The following QTMAN variants were observed in gnomAD, a reference collection of about 807,000 sequenced individuals.
QTMAN encodes queuosine-tRNA mannosyltransferase, also known as tRNA-queuosine alpha-mannosyltransferase.
chr2:144,146,943 T>A, the QTMAN span, among the ~76,000 whole-genome samples: 1 of 151,892 alleles, frequency 6.6e-6, no homozygotes, highest in East Asian at 1.9e-4. Flanking sequence ...ACCACAGATA[T>A]GAATTGGTTG....
chr2:144,008,025 T>C, the QTMAN span, among the ~76,000 whole-genome samples: 13 of 152,178 alleles, frequency 8.5e-5, no homozygotes, highest in Non-Finnish European at 1.5e-4. Context: ...GGCTAATGTT[T>C]CCTGAAGTAT....
the QTMAN span, among the ~76,000 whole-genome samples, chr2:144,090,340 A>G: frequency 6.6e-6 from 1 of 152,110 alleles, no homozygotes; most frequent in Admixed American, 6.5e-5. Flanking sequence ...TTTCTATTCA[A>G]CGTGATACTA....
At chr2:144,299,961 C>T in the QTMAN span, among the ~76,000 whole-genome samples, 1 of 152,190 alleles carries the variant, frequency 6.6e-6, no homozygotes, top group Non-Finnish European at 1.5e-5. Context: ...CTGACATATG[C>T]TACAACATGA....
the QTMAN span, among the ~76,000 whole-genome samples, chr2:144,309,820 C>T: frequency 6.6e-6 from 1 of 152,086 alleles, no homozygotes; most frequent in Non-Finnish European, 1.5e-5. Context: ...GCATCATTCC[C>T]CAAAGATACA....
At chr2:143,979,382 C>G in the QTMAN span, among the ~76,000 whole-genome samples, 1 of 152,148 alleles carries the variant, frequency 6.6e-6, no homozygotes, top group African/African-American at 2.4e-5. Flanking sequence ...CTCATTTTTA[C>G]AGCTGCACGT....
the QTMAN span, among the ~76,000 whole-genome samples, chr2:144,051,012 A>G: frequency 6.6e-6 from 1 of 152,210 alleles, no homozygotes; most frequent in Non-Finnish European, 1.5e-5. Context: ...AAGTTGTAGA[A>G]CATGCACATT....
At chr2:144,025,571 C>T in the QTMAN span, among the ~76,000 whole-genome samples, 3 of 152,218 alleles carry the variant, frequency 2.0e-5, no homozygotes, top group African/African-American at 4.8e-5. Flanking sequence ...GAAGACTGGG[C>T]CTGTAGGGCA....
At chr2:144,312,385 T>C in the QTMAN span, among the ~76,000 whole-genome samples, 1 of 152,082 alleles carries the variant, frequency 6.6e-6, no homozygotes, top group African/African-American at 2.4e-5. Flanking sequence ...TCCCTTCACA[T>C]GGCAAGCAGC....
chr2:144,111,882 C>A, the QTMAN span, among the ~76,000 whole-genome samples: 1 of 152,108 alleles, frequency 6.6e-6, no homozygotes, highest in African/African-American at 2.4e-5. Context: ...ATGATAAGTA[C>A]CAATAAGCAA....
the QTMAN span, among the ~76,000 whole-genome samples, chr2:144,099,127 A>G: frequency 6.6e-6 from 1 of 152,218 alleles, no homozygotes; most frequent in African/African-American, 2.4e-5. Context: ...CTGCATTTAT[A>G]ATTCTATATT....
chr2:144,033,907 T>C, the QTMAN span, among the ~76,000 whole-genome samples: 3 of 152,304 alleles, frequency 2.0e-5, no homozygotes, highest in East Asian at 5.8e-4. Flanking sequence ...CAAATACGTA[T>C]TTCGTATTAT....
At chr2:144,154,458 A>AT in the QTMAN span, among the ~76,000 whole-genome samples, 1 of 152,222 alleles carries the variant, frequency 6.6e-6, no homozygotes, top group Non-Finnish European at 1.5e-5. Flanking sequence ...TGATGGTGTA[A>AT]TACTCCTTAA....
the QTMAN span, among the ~76,000 whole-genome samples, chr2:144,025,542 T>C: frequency 6.6e-6 from 1 of 152,144 alleles, no homozygotes; most frequent in Non-Finnish European, 1.5e-5. Context: ...TTACACAGTA[T>C]TGAAAGGACT....
chr2:143,991,369 T>A, the QTMAN span, among the ~76,000 whole-genome samples: 1 of 152,162 alleles, frequency 6.6e-6, no homozygotes. Flanking sequence ...AAACCCTTTT[T>A]AAATAACTTC....
At chr2:144,230,025 T>A in the QTMAN span, among the ~76,000 whole-genome samples, 1 of 152,032 alleles carries the variant, frequency 6.6e-6, no homozygotes, top group Non-Finnish European at 1.5e-5. Flanking sequence ...ATAAAAAAAA[T>A]TCAGAGAATG....
At chr2:144,300,093 C>T in the QTMAN span, among the ~76,000 whole-genome samples, 1 of 152,164 alleles carries the variant, frequency 6.6e-6, no homozygotes, top group South Asian at 2.1e-4. Context: ...AAGTCTGCCA[C>T]GGACTGCCAG....
the QTMAN span, among the ~76,000 whole-genome samples, chr2:144,216,969 A>G: frequency 6.6e-6 from 1 of 152,182 alleles, no homozygotes; most frequent in East Asian, 1.9e-4. Context: ...GAGAAGAAAA[A>G]AAGACATTTT....
chr2:144,015,911 T>G, the QTMAN span, among the ~76,000 whole-genome samples: 1 of 152,168 alleles, frequency 6.6e-6, no homozygotes, highest in Non-Finnish European at 1.5e-5. Context: ...GATAGTAATA[T>G]CTGTGCTTGT....
chr2:144,273,009 AAAAGG>A, the QTMAN span, among the ~76,000 whole-genome samples: 1 of 152,150 alleles, frequency 6.6e-6, no homozygotes, highest in African/African-American at 2.4e-5. Context: ...TAAAAACACT[AAAAGG>A]AAAGGAAAAC....
Sources: allele counts gnomAD v4.1 joint callset (sites outside exome capture counted in the v4.1 genomes callset), GRCh38; gene constraint gnomAD v4.1.1; transcripts MANE v1.5; gene names NCBI Gene and HGNC (gene_info 2026-07-23, HGNC 2026-07-21).